The following STK32B variants were observed in gnomAD, a reference collection of about 807,000 sequenced individuals.
STK32B encodes the protein serine/threonine kinase 32B, also known as serine/threonine-protein kinase 32B.
In STK32B, 43 loss-of-function variants were observed where a neutral mutation model predicts 52.6. That is an observed-to-expected ratio of 0.82 (90% CI 0.64 to 1.05). STK32B has a LOEUF of 1.05. Ranked by LOEUF, STK32B falls within the 50% of genes least tolerant of loss-of-function variation. The probability of loss-of-function intolerance (pLI) is 0.00; values close to 1 mark genes in which losing one functional copy is unlikely to be tolerated. For missense variants in STK32B, 621 were observed against 534.6 expected, an observed-to-expected ratio of 1.16 and a Z score of -1.59; for synonymous variants, 238 against 204.3, an observed-to-expected ratio of 1.17 and a Z score of -1.41.
chr4:5,139,589 G>A, intron 1 of STK32B: 1 of 335,786 alleles, frequency 3.0e-6, no homozygotes, highest in Non-Finnish European at 5.6e-6. Context: ...GTACATTGTT[G>A]ACCTGTCTTG....
chr4:5,137,992 G>A (rs1716174736), intron 1 of STK32B, among the ~76,000 whole-genome samples: 1 of 152,186 alleles, frequency 6.6e-6, no homozygotes, highest in Admixed American at 6.5e-5. Context: ...GGGGACCTCG[G>A]GAGTTTCTCG....
At chr4:5,459,089 G>C (rs1040768807) in intron 8 of STK32B, among the ~76,000 whole-genome samples, 3 of 152,208 alleles carry the variant, frequency 2.0e-5, no homozygotes, top group African/African-American at 7.2e-5. Context: ...ACCTGCTTAA[G>C]TTGGCACCCA....
chr4:5,099,863 G>T (rs1003452044), intron 1 of STK32B, among the ~76,000 whole-genome samples: 3 of 152,086 alleles, frequency 2.0e-5, no homozygotes, highest in Non-Finnish European at 2.9e-5. Context: ...GCCAGGGTGG[G>T]CAGCCAACAC....
At chr4:5,426,088 T>G (rs1713066973) in intron 6 of STK32B, among the ~76,000 whole-genome samples, 1 of 152,190 alleles carries the variant, frequency 6.6e-6, no homozygotes, top group African/African-American at 2.4e-5. Flanking sequence ...TATATGAGCT[T>G]AAATTTCCAT....
intron 11 of STK32B, among the ~76,000 whole-genome samples, chr4:5,493,996 C>A (rs942246638): frequency 1.3e-5 from 2 of 152,180 alleles, no homozygotes; most frequent in Non-Finnish European, 2.9e-5. Flanking sequence ...GCTTTACTTC[C>A]AAGTATGTGG....
intron 3 of STK32B, among the ~76,000 whole-genome samples, chr4:5,271,959 A>C (rs1417679026): frequency 2.0e-5 from 3 of 148,582 alleles, no homozygotes; most frequent in Non-Finnish European, 4.4e-5. Flanking sequence ...AACAGGGACA[A>C]TTTGACTTCT....
At chr4:5,401,574 A>G (rs1331552500) in intron 5 of STK32B, among the ~76,000 whole-genome samples, 3 of 152,104 alleles carry the variant, frequency 2.0e-5, no homozygotes, top group Admixed American at 2.0e-4. Flanking sequence ...CTGCTCTGAG[A>G]TTTGAGGTCT....
chr4:5,096,004 A>G (rs1172114504), intron 1 of STK32B, among the ~76,000 whole-genome samples: 3 of 152,246 alleles, frequency 2.0e-5, no homozygotes, highest in Admixed American at 1.3e-4. Context: ...TAGTGATTTC[A>G]TGGGATGTGG....
At chr4:5,073,877 T>G (rs1711922466) in intron 1 of STK32B, among the ~76,000 whole-genome samples, 1 of 152,044 alleles carries the variant, frequency 6.6e-6, no homozygotes, top group Non-Finnish European at 1.5e-5. Flanking sequence ...GTAGTGTGTT[T>G]TTTTATTCCT....
chr4:5,313,224 T>A (rs561330772), intron 3 of STK32B, among the ~76,000 whole-genome samples: 4 of 151,744 alleles, frequency 2.6e-5, no homozygotes, highest in Non-Finnish European at 5.9e-5. Flanking sequence ...GCAACACTAG[T>A]TCGATATTTT....
intron 3 of STK32B, among the ~76,000 whole-genome samples, chr4:5,303,645 C>T (rs1047031533): frequency 6.6e-6 from 1 of 152,080 alleles, no homozygotes; most frequent in Non-Finnish European, 1.5e-5. Flanking sequence ...TCTGTTTAAT[C>T]TTCTGATTAT....
chr4:5,431,031 A>G (rs195123), intron 6 of STK32B, among the ~76,000 whole-genome samples: 71,509 of 152,056 alleles, frequency 0.47, 17,550 homozygotes, highest in South Asian at 0.64. Flanking sequence ...GCTCTGTGTC[A>G]ATGGGTCTTG....
At position 5,245,405 on chromosome 4, in the gene STK32B, G is replaced by T. The variant is rs1411991857; in HGVS notation, c.260+76955G>T. On this transcript the variant is annotated intron_variant, in intron 3 of 11. Coordinates refer to ENST00000282908, the MANE Select transcript of STK32B (RefSeq NM_018401.3). ...ATCAGAGACTAGGATTGCAACCCCT[G>T]CCTTTTTTTGTTTTCCATTTGCTTG... Among the ~76,000 whole-genome samples the T allele has an allele frequency of 3.3e-5, 5 of 152,210 alleles. No homozygotes were observed. The East Asian group carries it at 9.6e-4, about 29-fold the overall frequency.
chr4:5,337,599 C>A (rs1732793243), intron 4 of STK32B, among the ~76,000 whole-genome samples: 13 of 152,024 alleles, frequency 8.6e-5, no homozygotes, highest in Admixed American at 8.5e-4. Flanking sequence ...ATCAGAGACC[C>A]CGGGAGAGAC....
intron 11 of STK32B, among the ~76,000 whole-genome samples, chr4:5,497,307 A>G (rs1720354676): frequency 1.3e-5 from 2 of 152,236 alleles, no homozygotes; most frequent in Non-Finnish European, 2.9e-5. Context: ...GCTGAATGCA[A>G]AAAGTCCAAA....
chr4:5,403,686 G>A (rs1737463832), intron 5 of STK32B, among the ~76,000 whole-genome samples: 1 of 152,106 alleles, frequency 6.6e-6, no homozygotes, highest in African/African-American at 2.4e-5. Context: ...AATGGCCATG[G>A]CCATCCATGT....
intron 3 of STK32B, among the ~76,000 whole-genome samples, chr4:5,178,965 C>A (rs966683241): frequency 2.0e-5 from 3 of 152,198 alleles, no homozygotes; most frequent in Non-Finnish European, 4.4e-5. Context: ...TTTTGGGTGT[C>A]CCTATAGCGG....
intron 6 of STK32B, among the ~76,000 whole-genome samples, chr4:5,432,948 G>A (rs1713723209): frequency 1.3e-5 from 2 of 152,168 alleles, no homozygotes; most frequent in South Asian, 2.1e-4. Context: ...AGGTTAAGCA[G>A]CTTCCCCAAG....
chr4:5,182,911 A>C (rs1353097045), intron 3 of STK32B, among the ~76,000 whole-genome samples: 5 of 152,202 alleles, frequency 3.3e-5, no homozygotes. Flanking sequence ...GTGTATTGTC[A>C]ACAAGCAGTA....
Sources: allele counts gnomAD v4.1 joint callset (sites outside exome capture counted in the v4.1 genomes callset), GRCh38; gene constraint gnomAD v4.1.1; transcripts MANE v1.5; gene names NCBI Gene and HGNC (gene_info 2026-07-23, HGNC 2026-07-21).